The following FSTL5 variants were observed in gnomAD, a reference collection of about 807,000 sequenced individuals.
FSTL5 encodes follistatin like 5.
In FSTL5, 62 loss-of-function variants were observed where a neutral mutation model predicts 89.1. The ratio of observed to expected loss-of-function variants is 0.70; its 90% CI spans 0.57 to 0.86. FSTL5 has a LOEUF of 0.86. Among genes scored for constraint, FSTL5 ranks in the 40% least tolerant of loss-of-function variants. The pLI, the probability that FSTL5 is intolerant of heterozygous loss-of-function variation, is 0.00. For missense variants in FSTL5, 1,057 were observed against 1,001.6 expected (o/e 1.06, Z -0.75); for synonymous variants, 383 against 346.2 (o/e 1.11, Z -1.18).
chr4:161,783,723 CTTCTTTTCT>C (rs200814461), intron 4 of FSTL5, among the ~76,000 whole-genome samples: 768 of 22,382 alleles, frequency 0.034, 349 homozygotes, highest in Non-Finnish European at 0.04. Context: ...TTCTTTCTTT[CTTCTTTTCT>C]TTTCTTTCTT....
At chr4:161,476,189 G>T (rs7439296) in intron 13 of FSTL5, among the ~76,000 whole-genome samples, 103,907 of 106,812 alleles carry the variant, frequency 0.97, 50,587 homozygotes, top group Non-Finnish European at 0.99. Flanking sequence ...TTTTTTTTTT[G>T]TTTGTTTGTT....
At chr4:162,019,761 T>C (rs1737017384) in intron 3 of FSTL5, among the ~76,000 whole-genome samples, 1 of 136,950 alleles carries the variant, frequency 7.3e-6, no homozygotes, top group South Asian at 2.3e-4. Flanking sequence ...TCTTTCTCTC[T>C]CTCTTTCTCT....
At chr4:162,134,448 T>C (rs1343200053) in intron 1 of FSTL5, among the ~76,000 whole-genome samples, 1 of 152,210 alleles carries the variant, frequency 6.6e-6, no homozygotes, top group Non-Finnish European at 1.5e-5. Flanking sequence ...TATTTTCTGT[T>C]AAATGACATG....
intron 15 of FSTL5, among the ~76,000 whole-genome samples, chr4:161,401,355 A>G (rs1731172473): frequency 6.6e-6 from 1 of 152,200 alleles, no homozygotes; most frequent in South Asian, 2.1e-4. Flanking sequence ...TGTTGATGAT[A>G]CTTATATTGT....
chr4:161,939,058 TA>T (rs1448212176), intron 3 of FSTL5, among the ~76,000 whole-genome samples: 1 of 151,952 alleles, frequency 6.6e-6, no homozygotes, highest in Non-Finnish European at 1.5e-5. Context: ...TTGGGTATAG[TA>T]TATCACTTTT....
At chr4:162,063,649 T>C (rs954463629) in intron 2 of FSTL5, among the ~76,000 whole-genome samples, 1 of 151,952 alleles carries the variant, frequency 6.6e-6, no homozygotes, top group Non-Finnish European at 1.5e-5. Flanking sequence ...TTGTTTTTCA[T>C]AAATTCCTGT....
intron 3 of FSTL5, among the ~76,000 whole-genome samples, chr4:161,925,530 G>C (rs1292493257): frequency 1.3e-5 from 2 of 151,718 alleles, no homozygotes; most frequent in Non-Finnish European, 2.9e-5. Flanking sequence ...CATTTAACTA[G>C]AACATAGTAG....
chr4:161,709,608 T>A (rs1738705570), intron 6 of FSTL5, among the ~76,000 whole-genome samples: 1 of 152,020 alleles, frequency 6.6e-6, no homozygotes, highest in African/African-American at 2.4e-5. Flanking sequence ...CAAGGCTACC[T>A]TGGGCAACAT....
At chr4:161,408,948 A>T (rs1731491301) in intron 15 of FSTL5, among the ~76,000 whole-genome samples, 2 of 152,246 alleles carry the variant, frequency 1.3e-5, no homozygotes, top group Admixed American at 1.3e-4. Context: ...ACACATCAGC[A>T]TTCTTGAGAG....
chr4:161,904,206 T>A (rs952661310), intron 4 of FSTL5, among the ~76,000 whole-genome samples: 17 of 152,108 alleles, frequency 1.1e-4, no homozygotes, highest in Non-Finnish European at 2.9e-5. Flanking sequence ...ACTTGGATTC[T>A]AGCACTTACT....
chr4:162,091,248 C>T (rs1730538152), intron 2 of FSTL5, among the ~76,000 whole-genome samples: 1 of 152,118 alleles, frequency 6.6e-6, no homozygotes, highest in South Asian at 2.1e-4. Flanking sequence ...AAGATTCTTG[C>T]TTGATAGATT....
intron 6 of FSTL5, among the ~76,000 whole-genome samples, chr4:161,670,027 T>C (rs1052118114): frequency 2.0e-4 from 30 of 152,194 alleles, no homozygotes; most frequent in Non-Finnish European, 4.0e-4. Flanking sequence ...TTGGTGTAAA[T>C]ACTATGTTTG....
At chr4:161,556,748 C>A (rs1022394529) in intron 8 of FSTL5, among the ~76,000 whole-genome samples, 13 of 149,792 alleles carry the variant, frequency 8.7e-5, no homozygotes, top group South Asian at 2.1e-4. Flanking sequence ...GCAAAAAAAA[C>A]CCACTAAGAT....
intron 15 of FSTL5, among the ~76,000 whole-genome samples, chr4:161,393,767 T>C (rs1236341463): frequency 3.3e-5 from 5 of 152,122 alleles, no homozygotes; most frequent in Admixed American, 6.5e-5. Context: ...TATTTGCAAA[T>C]GTATGCTTCC....
intron 12 of FSTL5, 78 bp downstream of exon 12, chr4:161,499,938 T>A: frequency 1.2e-6 from 1 of 813,776 alleles, no homozygotes. Flanking sequence ...ATGTATAGGT[T>A]TTGTTATATT....
chr4:161,667,911 C>T (rs1320820839), intron 6 of FSTL5, among the ~76,000 whole-genome samples: 3 of 151,746 alleles, frequency 2.0e-5, no homozygotes, highest in Non-Finnish European at 4.4e-5. Flanking sequence ...GCATTGAATA[C>T]ATATATTAAC....
intron 3 of FSTL5, among the ~76,000 whole-genome samples, chr4:161,949,091 T>A (rs1734818848): frequency 6.6e-6 from 1 of 152,100 alleles, no homozygotes; most frequent in African/African-American, 2.4e-5. Context: ...TCTGTTTCCT[T>A]CCCTTTCTTC....
chr4:162,010,057 T>A (rs1367900725), intron 3 of FSTL5, among the ~76,000 whole-genome samples: 1 of 152,044 alleles, frequency 6.6e-6, no homozygotes, highest in Non-Finnish European at 1.5e-5. Context: ...TAAGTAGAGA[T>A]TCTGAATGAT....
intron 3 of FSTL5, among the ~76,000 whole-genome samples, chr4:161,941,904 G>A (rs1734598083): frequency 6.6e-6 from 1 of 151,774 alleles, no homozygotes; most frequent in African/African-American, 2.4e-5. Flanking sequence ...CTCAATACTT[G>A]TATTTTAAAA....
Sources: gnomAD v4.1 joint callset for allele counts (sites outside exome capture counted in the v4.1 genomes callset) on GRCh38, gnomAD v4.1.1 for gene constraint, MANE v1.5 for transcripts, NCBI Gene and HGNC (gene_info 2026-07-23, HGNC 2026-07-21) for gene names.